LPAR3: variants seen among roughly 807,000 people sequenced by gnomAD.
The protein encoded by LPAR3 is lysophosphatidic acid receptor 3.
LPAR3 carries 7 observed loss-of-function variants against 17.8 expected under a neutral mutation model. The ratio of observed to expected loss-of-function variants is 0.39; its 90% CI spans 0.22 to 0.74. The LOEUF is 0.74. Among genes scored for constraint, LPAR3 ranks in the 30% least tolerant of loss-of-function variants. The probability of loss-of-function intolerance (pLI) is 0.40; values close to 1 mark genes in which losing one functional copy is unlikely to be tolerated. For synonymous variants in LPAR3, 179 were observed against 179.9 expected (o/e 0.99, Z 0.04); for missense variants, 391 against 453.4 (o/e 0.86, Z 1.25).
At chr1:84,862,248 G>A (rs745637783) in intron 2 of LPAR3, among the ~76,000 whole-genome samples, 6 of 152,196 alleles carry the variant, frequency 3.9e-5, no homozygotes, top group Non-Finnish European at 8.8e-5. Context: ...GGGAAATGCC[G>A]ATTAATGTGA....
chr1:84,842,008 A>AG (rs1352539597), intron 2 of LPAR3, among the ~76,000 whole-genome samples: 1 of 152,164 alleles, frequency 6.6e-6, no homozygotes, highest in Non-Finnish European at 1.5e-5. Flanking sequence ...GAAAAAAAAA[A>AG]GTTTGTAGGG....
chr1:84,865,868 A>G lies in LPAR3; in HGVS notation c.253T>C (p.Phe85Leu). 1 of 1,614,230 alleles carries G rather than the reference A, an allele frequency of 6.2e-7. No individual in the cohort carries two copies. Among genetic ancestry groups the G allele is most frequent in the Non-Finnish European group, 8.5e-7 (1 of 1,180,038 alleles). Residue 85 changes from phenylalanine (F) to leucine (L), a missense_variant, in exon 2 of 3, where the codon TTC (phenylalanine) becomes CTC (leucine). Coordinates refer to ENST00000370611, the MANE Select transcript of LPAR3 (RefSeq NM_012152.3). ...ADFFAGIAYVFLMFNTGPVSK... is the reference protein window; with the variant it reads ...ADFFAGIAYVLLMFNTGPVSK... ...ACTGGGCCTGTGTTAAACATCAGGA[A>G]TACATAGGCAATTCCAGCGAAGAAA...
At chr1:84,881,155 G>A (rs1014380079) in intron 1 of LPAR3, among the ~76,000 whole-genome samples, 8 of 152,146 alleles carry the variant, frequency 5.3e-5, no homozygotes, top group Non-Finnish European at 1.2e-4. Context: ...CCAGACCTGT[G>A]GAGTTCTGGG....
chr1:84,853,684 G>C (rs552603173), intron 2 of LPAR3, among the ~76,000 whole-genome samples: 1 of 152,100 alleles, frequency 6.6e-6, no homozygotes, highest in Non-Finnish European at 1.5e-5. Flanking sequence ...GCCTCTCTCT[G>C]GCATCTGAGC....
In LPAR3 at chr1:84,865,820, G is replaced by C. The variant is rs367984690; in HGVS notation, c.301C>G (p.Arg101Gly). The C allele has an allele frequency of 6.2e-7, 1 of 1,614,150 alleles. No individual in the cohort carries two copies. Among genetic ancestry groups the C allele is most frequent in the African/African-American group, 1.3e-5 (1 of 75,010 alleles). The stretch of plus-strand genomic sequence containing the variant: ...AGAAGCCCCTGACGGAGAAACCAGC[G>C]GTTGACAGTCAAAGTTTTTGAAACT... ...GPVSKTLTVNRWFLRQGLLDS... is the reference protein window; with the variant it reads ...GPVSKTLTVNGWFLRQGLLDS... The change falls in exon 2 of 3, where the codon CGC becomes GGC. Residue 101 changes from arginine (R) to glycine (G), a missense_variant. Transcript: ENST00000370611.
intron 2 of LPAR3, among the ~76,000 whole-genome samples, chr1:84,850,021 C>T (rs769091943): frequency 2.6e-5 from 4 of 152,146 alleles, no homozygotes; most frequent in Non-Finnish European, 4.4e-5. Context: ...TCTGCTGTCA[C>T]GTTCTTGAAA....
intron 2 of LPAR3, among the ~76,000 whole-genome samples, chr1:84,849,755 CAA>C (rs1407492388): frequency 6.6e-6 from 1 of 152,160 alleles, no homozygotes; most frequent in Non-Finnish European, 1.5e-5. Context: ...CTAGAAAAGA[CAA>C]AGAGGCCTCA....
intron 2 of LPAR3, among the ~76,000 whole-genome samples, chr1:84,864,667 C>CAGCAACTT (rs2102764812): frequency 6.6e-6 from 1 of 152,228 alleles, no homozygotes; most frequent in Admixed American, 6.5e-5. Flanking sequence ...CCTGTAATCC[C>CAGCAACTT]AGCAACTTGG....
chr1:84,815,592 G>C (rs1007266823), intron 2 of LPAR3, among the ~76,000 whole-genome samples: 2 of 152,192 alleles, frequency 1.3e-5, no homozygotes, highest in Non-Finnish European at 2.9e-5. Context: ...GAAGAGCCAC[G>C]AACTTTGGGG....
At chr1:84,837,642 G>T (rs944368829) in intron 2 of LPAR3, among the ~76,000 whole-genome samples, 1 of 152,156 alleles carries the variant, frequency 6.6e-6, no homozygotes, top group East Asian at 1.9e-4. Context: ...AATAATATTC[G>T]TAAGTTTGTT....
chr1:84,888,558 T>C (rs1257347987), intron 1 of LPAR3, among the ~76,000 whole-genome samples: 2 of 152,224 alleles, frequency 1.3e-5, no homozygotes, highest in African/African-American at 4.8e-5. Context: ...GGTCTGAGTC[T>C]GTCTGGGGGC....
intron 2 of LPAR3, among the ~76,000 whole-genome samples, chr1:84,838,325 G>T (rs1439058610): frequency 4.6e-5 from 7 of 152,166 alleles, no homozygotes; most frequent in Non-Finnish European, 1.5e-5. Context: ...TCACCCTCTT[G>T]CATGGTATAC....
chr1:84,892,477 A>C (rs1660571075), intron 1 of LPAR3, among the ~76,000 whole-genome samples: 1 of 152,214 alleles, frequency 6.6e-6, no homozygotes, highest in Non-Finnish European at 1.5e-5. Flanking sequence ...TACCCTGAAC[A>C]AACAACCCCG....
chr1:84,827,074 A>G (rs557077407), intron 2 of LPAR3, among the ~76,000 whole-genome samples: 3 of 152,354 alleles, frequency 2.0e-5, no homozygotes, highest in African/African-American at 7.2e-5. Context: ...AATGCACCGC[A>G]ATGCATTTTG....
chr1:84,863,615 T>C (rs1349167199), intron 2 of LPAR3, among the ~76,000 whole-genome samples: 4 of 152,182 alleles, frequency 2.6e-5, no homozygotes, highest in Non-Finnish European at 5.9e-5. Context: ...TTCACGTTCA[T>C]GGTGAGCTCA....
rs144529821 is a variant in LPAR3, at chr1:84,871,921, G to A, written c.-18-5783C>T. On this transcript the variant is annotated intron_variant, in intron 1 of 2. Coordinates refer to ENST00000370611, the MANE Select transcript of LPAR3 (RefSeq NM_012152.3). ...TAAAGAGCACCCCAAGCCTCCACCC[G>A]CTGCTGCACTTAAGCCATTTACCCT... 1.6e-3 allele frequency among the ~76,000 whole-genome samples: 239 copies of A among 152,074 alleles called. 3 individuals carry two copies. Among genetic ancestry groups the A allele is most frequent in the African/African-American group, 5.5e-3 (227 of 41,492 alleles).
At chr1:84,821,770 A>C (rs1347324399) in intron 2 of LPAR3, among the ~76,000 whole-genome samples, 1 of 152,198 alleles carries the variant, frequency 6.6e-6, no homozygotes, top group African/African-American at 2.4e-5. Flanking sequence ...AGAAGCTGTA[A>C]GGGGGAAGGA....
At chr1:84,887,235 G>C (rs1462513708) in intron 1 of LPAR3, among the ~76,000 whole-genome samples, 1 of 151,572 alleles carries the variant, frequency 6.6e-6, no homozygotes, top group Non-Finnish European at 1.5e-5. Flanking sequence ...AAATAAGCCA[G>C]GTGTGGTAGT....
chr1:84,814,114 T>A lies in LPAR3; in HGVS notation c.794A>T (p.Asn265Ile), dbSNP rs1285767908. 1 of 1,614,050 alleles carries A rather than the reference T, an allele frequency of 6.2e-7. No individual in the cohort carries two copies. The highest frequency in any genetic ancestry group is 1.1e-5 in the South Asian group (1 of 91,072). ...GLVVLLLDGL[N>I]CRQCGVQHVK... ...ATGCTGCACGCCACACTGCCTGCAGTTCAGGCCGTCGAGGAGCAGAACCAC... is the reference window on the plus strand; with the variant it reads ...ATGCTGCACGCCACACTGCCTGCAGATCAGGCCGTCGAGGAGCAGAACCAC... Residue 265 changes from asparagine to isoleucine, a missense_variant, in exon 3 of 3, where the codon AAC (asparagine) becomes ATC (isoleucine). Asn to Ile is a moderately radical substitution (Grantham distance 149). Coordinates refer to ENST00000370611, the MANE Select transcript of LPAR3 (RefSeq NM_012152.3).
Sources: allele counts gnomAD v4.1 joint callset (sites outside exome capture counted in the v4.1 genomes callset), GRCh38; gene constraint gnomAD v4.1.1; transcripts MANE v1.5; gene names NCBI Gene and HGNC (gene_info 2026-07-23, HGNC 2026-07-21).